CTNNA3: variants seen among roughly 807,000 people sequenced by gnomAD.
CTNNA3 encodes the protein catenin alpha-3.
CTNNA3 carries 76 observed loss-of-function variants against 95.7 expected under a neutral mutation model. That is an observed-to-expected ratio of 0.79 (90% CI 0.66 to 0.96). The LOEUF (loss-of-function observed/expected upper bound fraction) is 0.96. Ranked by LOEUF, CTNNA3 falls within the 40% of genes least tolerant of loss-of-function variation. CTNNA3 has a pLI of 0.00. For missense variants in CTNNA3, 1,191 were observed against 1,089.8 expected, an observed-to-expected ratio of 1.09 and a Z score of -1.31; for synonymous variants, 431 against 374.4, an observed-to-expected ratio of 1.15 and a Z score of -1.74.
At chr10:67,556,521 G>A (rs1841261994) in intron 3 of CTNNA3, among the ~76,000 whole-genome samples, 1 of 152,042 alleles carries the variant, frequency 6.6e-6, no homozygotes, top group Non-Finnish European at 1.5e-5. Context: ...ATTTCTTTTA[G>A]ATTTTCTAGT....
chr10:66,063,322 T>A (rs74140940), intron 15 of CTNNA3, among the ~76,000 whole-genome samples: 1,226 of 86,606 alleles, frequency 0.014, 12 homozygotes, highest in African/African-American at 0.049. Flanking sequence ...ATATATATAA[T>A]ATATATATAT....
intron 12 of CTNNA3, among the ~76,000 whole-genome samples, chr10:66,362,649 G>T (rs1384149791): frequency 6.6e-6 from 1 of 151,878 alleles, no homozygotes; most frequent in Non-Finnish European, 1.5e-5. Context: ...GGAGACAAAG[G>T]TTGCAGTGAG....
At chr10:66,019,572 T>TA (rs905231615) in intron 15 of CTNNA3, among the ~76,000 whole-genome samples, 3 of 151,992 alleles carry the variant, frequency 2.0e-5, no homozygotes, top group East Asian at 1.9e-4. Context: ...GCTTCTGACA[T>TA]AAAAAAATCT....
intron 1 of CTNNA3, among the ~76,000 whole-genome samples, chr10:67,692,136 C>T (rs1408501256): frequency 6.6e-6 from 1 of 150,914 alleles, no homozygotes; most frequent in Non-Finnish European, 1.5e-5. Flanking sequence ...GCCCCCTGCC[C>T]GGCCAGCCGC....
chr10:66,245,585 G>A (rs186606747), intron 13 of CTNNA3, among the ~76,000 whole-genome samples: 1 of 152,318 alleles, frequency 6.6e-6, no homozygotes, highest in African/African-American at 2.4e-5. Flanking sequence ...CCCACAGAGG[G>A]TAGCTCCTTT....
intron 7 of CTNNA3, among the ~76,000 whole-genome samples, chr10:66,979,040 C>T (rs376342786): frequency 1.4e-5 from 2 of 138,078 alleles, no homozygotes; most frequent in African/African-American, 5.4e-5. Flanking sequence ...TCTTGGCTTG[C>T]TGCAACCTCT....
At chr10:67,025,406 A>G (rs960940301) in intron 7 of CTNNA3, among the ~76,000 whole-genome samples, 1 of 151,964 alleles carries the variant, frequency 6.6e-6, no homozygotes, top group African/African-American at 2.4e-5. Context: ...TACCTCCCCT[A>G]TATAATTTTT....
chr10:66,924,418 A>T (rs2132611853), intron 7 of CTNNA3, among the ~76,000 whole-genome samples: 1 of 152,332 alleles, frequency 6.6e-6, no homozygotes, highest in Non-Finnish European at 1.5e-5. Flanking sequence ...CATTATTTTT[A>T]AATAAAATGC....
chr10:66,063,917 C>T (rs1215147096), intron 15 of CTNNA3, among the ~76,000 whole-genome samples: 1 of 152,144 alleles, frequency 6.6e-6, no homozygotes, highest in African/African-American at 2.4e-5. Context: ...TAACTCTGAT[C>T]TTCAACCCTT....
chr10:66,804,447 A>C (rs1019408568), intron 7 of CTNNA3, among the ~76,000 whole-genome samples: 5 of 152,006 alleles, frequency 3.3e-5, no homozygotes, highest in African/African-American at 1.2e-4. Flanking sequence ...CCTAATGATA[A>C]GAACGATACC....
chr10:67,057,133 T>C (rs1413633132), intron 7 of CTNNA3, among the ~76,000 whole-genome samples: 2 of 152,210 alleles, frequency 1.3e-5, no homozygotes, highest in South Asian at 2.1e-4. Context: ...GGAAATCTTC[T>C]TTTTCACTTT....
chr10:66,695,534 C>T lies in CTNNA3; in HGVS notation c.1281+70730G>A, dbSNP rs367553861. Among the ~76,000 whole-genome samples the T allele has an allele frequency of 3.9e-5, 6 of 152,084 alleles. No individual in the cohort carries two copies. In the East Asian group the frequency reaches 7.7e-4, roughly 20 times the overall value. On this transcript the variant is annotated intron_variant, in intron 9 of 17. Transcript: ENST00000433211. ...AATGTGTAGAATCTATTATTATCCT[C>T]GAATACCCTCTGTGATACACATAGA... is the stretch of plus-strand genomic sequence containing the variant.
chr10:67,562,916 G>A (rs1841579276), intron 3 of CTNNA3, among the ~76,000 whole-genome samples: 1 of 152,010 alleles, frequency 6.6e-6, no homozygotes, highest in African/African-American at 2.4e-5. Flanking sequence ...AAAATACCTA[G>A]GAATCCAACT....
chr10:67,574,753 G>A (rs1178353445), intron 3 of CTNNA3, among the ~76,000 whole-genome samples: 1 of 151,760 alleles, frequency 6.6e-6, no homozygotes, highest in Non-Finnish European at 1.5e-5. Context: ...GCCAATTTTT[G>A]TATTTTTAGT....
At chr10:67,302,195 A>G (rs1840352711) in intron 5 of CTNNA3, among the ~76,000 whole-genome samples, 1 of 152,150 alleles carries the variant, frequency 6.6e-6, no homozygotes, top group African/African-American at 2.4e-5. Flanking sequence ...GATCTCATTT[A>G]TATGTGGAAT....
chr10:66,990,496 T>A (rs778838547), intron 7 of CTNNA3, among the ~76,000 whole-genome samples: 5 of 152,138 alleles, frequency 3.3e-5, no homozygotes, highest in Non-Finnish European at 2.9e-5. Flanking sequence ...CCTATTTAGA[T>A]TTTTTTGTAC....
At chr10:66,098,240 C>T (rs546133705) in intron 14 of CTNNA3, among the ~76,000 whole-genome samples, 6 of 152,176 alleles carry the variant, frequency 3.9e-5, no homozygotes, top group Admixed American at 3.9e-4. Context: ...CTGGCTGTTG[C>T]AATAGTAGAT....
chr10:66,759,242 T>G (rs1245264575), intron 9 of CTNNA3, among the ~76,000 whole-genome samples: 3 of 152,194 alleles, frequency 2.0e-5, no homozygotes, highest in Admixed American at 1.3e-4. Context: ...TGAACGATGA[T>G]GTCCACACTG....
chr10:67,274,683 G>T (rs1021151428), intron 5 of CTNNA3, among the ~76,000 whole-genome samples: 2 of 151,978 alleles, frequency 1.3e-5, no homozygotes, highest in Admixed American at 1.3e-4. Context: ...AAAAAAATTA[G>T]CTGAGCACAG....
Sources: gnomAD v4.1 joint callset for allele counts (sites outside exome capture counted in the v4.1 genomes callset) on GRCh38, gnomAD v4.1.1 for gene constraint, MANE v1.5 for transcripts, NCBI Gene and HGNC (gene_info 2026-07-23, HGNC 2026-07-21) for gene names.